Variants in NOS1AP observed in about 807,000 individuals in gnomAD.
NOS1AP encodes the protein nitric oxide synthase 1 adaptor protein.
A neutral mutation model predicts 56.2 loss-of-function variants in NOS1AP; 21 were observed. That is an observed-to-expected ratio of 0.37 (90% CI 0.26 to 0.54). The LOEUF (loss-of-function observed/expected upper bound fraction) is 0.54, where lower values mean the gene tolerates loss of function less well. Ranked by LOEUF, NOS1AP falls within the 20% of genes least tolerant of loss-of-function variation. The pLI is 0.84. For synonymous variants in NOS1AP, 270 were observed against 274.6 expected, an observed-to-expected ratio of 0.98 and a Z score of 0.17; for missense variants, 522 against 657.8, an observed-to-expected ratio of 0.79 and a Z score of 2.26.
At chr1:162,170,536 G>T (rs1650719017) in intron 2 of NOS1AP, among the ~76,000 whole-genome samples, 1 of 152,174 alleles carries the variant, frequency 6.6e-6, no homozygotes, top group Admixed American at 6.5e-5. Context: ...AGATATAGGG[G>T]AGCAGGAATA....
At chr1:162,105,505 C>T (rs879609346) in intron 1 of NOS1AP, among the ~76,000 whole-genome samples, 1 of 152,202 alleles carries the variant, frequency 6.6e-6, no homozygotes, top group Non-Finnish European at 1.5e-5. Flanking sequence ...CAGGCTGGAA[C>T]AGCTAAGTCT....
chr1:162,359,298 G>T (rs1053247793), intron 8 of NOS1AP, among the ~76,000 whole-genome samples: 2 of 152,200 alleles, frequency 1.3e-5, no homozygotes, highest in African/African-American at 4.8e-5. Flanking sequence ...GATGACTTTA[G>T]GGAGAGTCTT....
intron 2 of NOS1AP, among the ~76,000 whole-genome samples, chr1:162,224,095 C>A (rs550260295): frequency 6.6e-6 from 1 of 151,766 alleles, no homozygotes; most frequent in Non-Finnish European, 1.5e-5. Context: ...GCTGTAGAGT[C>A]ATTAACTTGT....
At chr1:162,132,350 G>C (rs1648789632) in intron 1 of NOS1AP, among the ~76,000 whole-genome samples, 1 of 152,218 alleles carries the variant, frequency 6.6e-6, no homozygotes, top group Non-Finnish European at 1.5e-5. Context: ...GTGATGGGAG[G>C]ATTTACATCT....
chr1:162,240,561 A>C (rs370842674), intron 2 of NOS1AP, among the ~76,000 whole-genome samples: 2 of 152,284 alleles, frequency 1.3e-5, no homozygotes, highest in East Asian at 3.9e-4. Context: ...CCTGAATCAC[A>C]CTGTCTATAT....
chr1:162,324,243 A>G (rs765789086), intron 4 of NOS1AP, among the ~76,000 whole-genome samples: 1 of 152,168 alleles, frequency 6.6e-6, no homozygotes, highest in Non-Finnish European at 1.5e-5. Context: ...ATGAACTCAG[A>G]TAACACAGAC....
Position 162,163,091 on chromosome 1 carries a change from G to A in NOS1AP, c.177+8615G>A, listed in dbSNP as rs187524473. ...TGGTATTTGGCTTCTTTCATTTAGC[G>A]TAATGTTTTCAAGGTTCATCCATAT... On this transcript the variant is annotated intron_variant, in intron 2 of 9. Coordinates refer to ENST00000361897, the MANE Select transcript of NOS1AP (RefSeq NM_014697.3). Among the ~76,000 whole-genome samples, 658 of 152,194 alleles carry A rather than the reference G, an allele frequency of 4.3e-3. 6 individuals are homozygous for A. The highest frequency in any genetic ancestry group is 0.025 in the Admixed American group (379 of 15,284).
At chr1:162,359,569 G>T (rs1242997876) in intron 8 of NOS1AP, among the ~76,000 whole-genome samples, 1 of 152,166 alleles carries the variant, frequency 6.6e-6, no homozygotes, top group African/African-American at 2.4e-5. Context: ...CACTTTCTTT[G>T]TAGTGTTTAA....
At chr1:162,183,242 AT>A in intron 2 of NOS1AP, among the ~76,000 whole-genome samples, 1 of 152,210 alleles carries the variant, frequency 6.6e-6, no homozygotes, top group Non-Finnish European at 1.5e-5. Context: ...AAAGAAATAT[AT>A]TTCTGAGCAG....
chr1:162,252,496 A>G (rs941926248), intron 2 of NOS1AP, among the ~76,000 whole-genome samples: 11 of 152,236 alleles, frequency 7.2e-5, no homozygotes, highest in Non-Finnish European at 1.5e-4. Context: ...AGCATGCAGT[A>G]GAAATTCAGG....
At position 162,264,815 on chromosome 1, in the gene NOS1AP, C is replaced by CT. The variant is rs58948058; in HGVS notation, c.178-22514dup. 3.9e-4 allele frequency among the ~76,000 whole-genome samples: 53 copies of CT among 137,040 alleles called. 2 individuals carry two copies. The highest frequency in any genetic ancestry group is 1.3e-3 in the African/African-American group (47 of 36,990). 89.9% of individuals were successfully genotyped at this position (137,040 alleles called of 152,430 possible). ...GTGTGCGTGAGCCACCGCGCCCGAC[C>CT]TTTTTTTTTTTTTTTCAAGACAGGG... On this transcript the variant is annotated intron_variant, in intron 2 of 9. Coordinates refer to ENST00000361897, the MANE Select transcript of NOS1AP (RefSeq NM_014697.3).
chr1:162,177,096 C>A (rs565064261), intron 2 of NOS1AP, among the ~76,000 whole-genome samples: 3 of 152,142 alleles, frequency 2.0e-5, no homozygotes, highest in Non-Finnish European at 2.9e-5. Context: ...CATATACTGA[C>A]CTGTTTTCTT....
At chr1:162,170,871 G>A (rs530022995) in intron 2 of NOS1AP, among the ~76,000 whole-genome samples, 2 of 152,026 alleles carry the variant, frequency 1.3e-5, no homozygotes, top group African/African-American at 4.8e-5. Flanking sequence ...CCAGGGAGGC[G>A]GAGGTTGCAG....
At chr1:162,216,140 C>T (rs749433234) in intron 2 of NOS1AP, among the ~76,000 whole-genome samples, 16 of 152,208 alleles carry the variant, frequency 1.1e-4, no homozygotes, top group East Asian at 1.9e-4. Context: ...AGTCCATTGA[C>T]GTTGATTTGC....
At chr1:162,240,171 A>C (rs1276801984) in intron 2 of NOS1AP, among the ~76,000 whole-genome samples, 2 of 152,164 alleles carry the variant, frequency 1.3e-5, no homozygotes, top group Non-Finnish European at 1.5e-5. Flanking sequence ...AACAACTGCC[A>C]GCTGACTGAA....
At chr1:162,098,545 A>G (rs1692302887) in intron 1 of NOS1AP, among the ~76,000 whole-genome samples, 1 of 149,872 alleles carries the variant, frequency 6.7e-6, no homozygotes, top group Non-Finnish European at 1.5e-5. Flanking sequence ...TACATGTGCC[A>G]GATGTCCAGG....
intron 2 of NOS1AP, among the ~76,000 whole-genome samples, chr1:162,178,860 A>G (rs978883680): frequency 7.2e-5 from 11 of 152,206 alleles, no homozygotes; most frequent in African/African-American, 1.9e-4. Flanking sequence ...AACTGTTTTC[A>G]TTCCGAGCAT....
chr1:162,265,752 G>A (rs1459197874), intron 2 of NOS1AP, among the ~76,000 whole-genome samples: 1 of 152,206 alleles, frequency 6.6e-6, no homozygotes, highest in African/African-American at 2.4e-5. Flanking sequence ...TGAGCTATGA[G>A]TTGAACCTAA....
In NOS1AP at chr1:162,308,712, T is replaced by C. The variant is rs144094589; in HGVS notation, c.344+8006T>C. On this transcript the variant is annotated intron_variant, in intron 4 of 9. Transcript: ENST00000361897. ...ATGTGCTTAAAGGAATTCCGTCCAT[T>C]ACCACAGAGCTTGTATTGAAAGGTA... is the stretch of plus-strand genomic sequence containing the variant. Among the ~76,000 whole-genome samples the C allele has an allele frequency of 3.0e-3, 459 of 152,320 alleles. 1 individual carries two copies. Among genetic ancestry groups the C allele is most frequent in the African/African-American group, 0.011 (439 of 41,570 alleles).
Sources: allele counts gnomAD v4.1 joint callset (sites outside exome capture counted in the v4.1 genomes callset), GRCh38; gene constraint gnomAD v4.1.1; transcripts MANE v1.5; gene names NCBI Gene and HGNC (gene_info 2026-07-23, HGNC 2026-07-21).